ZMYM5: variants seen among roughly 807,000 people sequenced by gnomAD.
The protein encoded by ZMYM5 is zinc finger MYM-type containing 5, also known as zinc finger MYM-type protein 5.
A neutral mutation model predicts 61.8 loss-of-function variants in ZMYM5; 41 were observed. The ratio of observed to expected loss-of-function variants is 0.66; its 90% CI spans 0.52 to 0.86. The LOEUF is 0.86. ZMYM5 is among the 40% of genes least tolerant of loss of function. The pLI is 0.00. For synonymous variants in ZMYM5, 257 were observed against 276.4 expected (o/e 0.93, Z 0.70); for missense variants, 706 against 786.7 (o/e 0.90, Z 1.23).
chr13:19,860,880 CAGGT>C (rs1478068956), intron 2 of ZMYM5, among the ~76,000 whole-genome samples: 1 of 143,594 alleles, frequency 7.0e-6, no homozygotes, highest in Non-Finnish European at 1.5e-5. Context: ...GATTATATCT[CAGGT>C]GGGGGGGGGG....
At chr13:19,840,417 A>G (rs1952826722) in intron 4 of ZMYM5, among the ~76,000 whole-genome samples, 1 of 152,336 alleles carries the variant, frequency 6.6e-6, no homozygotes, top group South Asian at 2.1e-4. Context: ...TCTGTTGCCC[A>G]GTCTGAAGTG....
chr13:19,845,030 T>C (rs1208179978), intron 4 of ZMYM5, among the ~76,000 whole-genome samples: 1 of 152,154 alleles, frequency 6.6e-6, no homozygotes, highest in Non-Finnish European at 1.5e-5. Flanking sequence ...CAAATCTACT[T>C]CTAAAAACTT....
intron 7 of ZMYM5, 40 bp from the exon 8 acceptor site, chr13:19,825,275 CT>C (rs1890856693): frequency 8.3e-7 from 1 of 1,198,248 alleles, no homozygotes; most frequent in Non-Finnish European, 1.1e-6. Context: ...TTAGGTTAAA[CT>C]TTTAAAAATT....
At chr13:19,848,069 C>T (rs1953148541) in intron 4 of ZMYM5, among the ~76,000 whole-genome samples, 1 of 151,950 alleles carries the variant, frequency 6.6e-6, no homozygotes, top group Non-Finnish European at 1.5e-5. Flanking sequence ...ATCCTGAGAT[C>T]AAGCAATTCT....
intron 4 of ZMYM5, 44 bp from the exon 5 acceptor site, chr13:19,839,029 G>C: frequency 6.3e-7 from 1 of 1,579,564 alleles, no homozygotes; most frequent in Non-Finnish European, 8.6e-7. Flanking sequence ...AAATCAAAAT[G>C]TACATCAGAA....
chr13:19,824,645 A>G lies in ZMYM5; in HGVS notation c.1842T>C (p.His614=). 7.6e-7 allele frequency: 1 copy of G among 1,322,506 alleles called. No homozygotes were observed. Among genetic ancestry groups the G allele is most frequent in the Non-Finnish European group, 1.0e-6 (1 of 998,628 alleles). 81.9% of individuals were successfully genotyped at this position (1,322,506 alleles called of 1,614,324 possible). The change falls in exon 8 of 8, where the codon CAT becomes CAC. Residue 614 remains histidine, a synonymous_variant. Transcript: ENST00000337963. ...KNENGCKDWQ[H]LSHILSKHEE... ...CATGTTTACTAAGAATATGTGATAAATGTTGCCAATCTTTGCACCCATTTT... is the reference window on the plus strand; with the variant it reads ...CATGTTTACTAAGAATATGTGATAAGTGTTGCCAATCTTTGCACCCATTTT...
chr13:19,837,522 T>C (rs1028451809), intron 6 of ZMYM5, 134 bp downstream of exon 6: 1 of 1,603,348 alleles, frequency 6.2e-7, no homozygotes, highest in African/African-American at 1.3e-5. Flanking sequence ...TAACATATCC[T>C]TATTCTTCCT....
In ZMYM5 at chr13:19,823,882, A is replaced by T. The variant is rs925648072; in HGVS notation, c.*595T>A. The T allele has an allele frequency of 6.6e-6, 1 of 152,310 alleles. No individual in the cohort carries two copies. The highest frequency in any genetic ancestry group is 6.5e-5 in the Admixed American group (1 of 15,272). 9.4% of individuals were successfully genotyped at this position (152,310 alleles called of 1,614,324 possible). On this transcript the variant is annotated 3_prime_UTR_variant, in exon 8 of 8. Coordinates refer to ENST00000337963, the MANE Select transcript of ZMYM5 (RefSeq NM_001142684.2). Reference sequence around the variant, plus strand: ...GAGACTGACTCTCGCTCTGTTGCTCAGGCTGGACTGCAGTGGTGCAATCTC... The same window carrying T: ...GAGACTGACTCTCGCTCTGTTGCTCTGGCTGGACTGCAGTGGTGCAATCTC...
chr13:19,838,030 C>T (rs567661737), intron 5 of ZMYM5, among the ~76,000 whole-genome samples: 14 of 152,022 alleles, frequency 9.2e-5, no homozygotes, highest in Non-Finnish European at 2.9e-5. Context: ...AAAAATCTTT[C>T]GTAGCACAAG....
intron 2 of ZMYM5, among the ~76,000 whole-genome samples, chr13:19,854,198 C>T (rs895418982): frequency 1.1e-4 from 16 of 151,970 alleles, no homozygotes; most frequent in Admixed American, 6.6e-5. Flanking sequence ...TTAGTAGATA[C>T]GGGGTTTCAC....
intron 2 of ZMYM5, among the ~76,000 whole-genome samples, chr13:19,856,811 AAAAC>A (rs1397856376): frequency 6.6e-6 from 1 of 152,036 alleles, no homozygotes; most frequent in Non-Finnish European, 1.5e-5. Flanking sequence ...CTCTGTCTCG[AAAAC>A]AAACAAAAAG....
intron 4 of ZMYM5, among the ~76,000 whole-genome samples, chr13:19,850,663 A>G (rs1288378672): frequency 6.6e-6 from 1 of 152,152 alleles, no homozygotes; most frequent in Non-Finnish European, 1.5e-5. Context: ...CCTAAAATTA[A>G]AAGCTTAAGC....
At chr13:19,852,860 TC>T (rs1289324198) in intron 2 of ZMYM5, among the ~76,000 whole-genome samples, 1 of 152,204 alleles carries the variant, frequency 6.6e-6, no homozygotes, top group Non-Finnish European at 1.5e-5. Flanking sequence ...AAATTCGTTT[TC>T]TTTTGAGAGA....
chr13:19,827,884 TG>T (rs1173729979), intron 7 of ZMYM5, among the ~76,000 whole-genome samples: 1 of 151,142 alleles, frequency 6.6e-6, no homozygotes, highest in East Asian at 2.0e-4. Context: ...CCAGGCGTAG[TG>T]GTGGGCGCCT....
At chr13:19,833,614 T>C (rs182625162) in intron 7 of ZMYM5, among the ~76,000 whole-genome samples, 50 of 152,172 alleles carry the variant, frequency 3.3e-4, no homozygotes, top group Admixed American at 1.2e-3. Context: ...TCAAAATGAA[T>C]CACAGGCCTA....
At chr13:19,838,570 C>T (rs752385626) in intron 5 of ZMYM5, 130 bp downstream of exon 5, 5 of 1,159,540 alleles carry the variant, frequency 4.3e-6, no homozygotes, top group Non-Finnish European at 4.9e-6. Flanking sequence ...GGAGCTCAAG[C>T]TCAATAAACT....
intron 7 of ZMYM5, among the ~76,000 whole-genome samples, chr13:19,826,580 A>C (rs1890928227): frequency 6.6e-6 from 1 of 151,338 alleles, no homozygotes; most frequent in Non-Finnish European, 1.5e-5. Context: ...GATGGTGAAA[A>C]CCTGATTCTA....
chr13:19,838,160 T>C (rs1198991899), intron 5 of ZMYM5, among the ~76,000 whole-genome samples: 2 of 152,178 alleles, frequency 1.3e-5, no homozygotes, highest in Admixed American at 1.3e-4. Flanking sequence ...GCAGATCACT[T>C]GAGGTCAGGA....
At chr13:19,826,347 G>A (rs1046065272) in intron 7 of ZMYM5, among the ~76,000 whole-genome samples, 9 of 151,840 alleles carry the variant, frequency 5.9e-5, no homozygotes, top group East Asian at 1.9e-4. Flanking sequence ...GCGAGACTCC[G>A]TCTCAAAAAA....
Sources: allele counts gnomAD v4.1 joint callset (sites outside exome capture counted in the v4.1 genomes callset), GRCh38; gene constraint gnomAD v4.1.1; transcripts MANE v1.5; gene names NCBI Gene and HGNC (gene_info 2026-07-23, HGNC 2026-07-21).